PI4KA: variants seen among roughly 807,000 people sequenced by gnomAD.
PI4KA encodes the protein PI4-kinase alpha.
A neutral mutation model predicts 271.4 loss-of-function variants in PI4KA; 122 were observed. The observed-to-expected ratio is 0.45, with a 90% CI of 0.39 to 0.52. The LOEUF (loss-of-function observed/expected upper bound fraction) is 0.52. PI4KA is among the 20% of genes least tolerant of loss of function. PI4KA has a pLI of 0.00. For synonymous variants in PI4KA, 1,041 were observed against 1,078.8 expected, an observed-to-expected ratio of 0.96 and a Z score of 0.69; for missense variants, 1,969 against 2,769.1, an observed-to-expected ratio of 0.71 and a Z score of 6.48.
At chr22:20,853,033 C>T (rs1014079238) in intron 1 of PI4KA, among the ~76,000 whole-genome samples, 2 of 152,158 alleles carry the variant, frequency 1.3e-5, no homozygotes, top group African/African-American at 2.4e-5. Context: ...GCCCAGAAAT[C>T]TGAGACCAGC....
chr22:20,801,313 C>T (rs1935315353), intron 14 of PI4KA, among the ~76,000 whole-genome samples: 3 of 151,992 alleles, frequency 2.0e-5, no homozygotes, highest in South Asian at 2.1e-4. Flanking sequence ...CAGCCAGGCA[C>T]GGTGGCTCAC....
At chr22:20,741,433 C>T (rs1358633086) in intron 32 of PI4KA, among the ~76,000 whole-genome samples, 3 of 152,278 alleles carry the variant, frequency 2.0e-5, no homozygotes, top group East Asian at 3.9e-4. Flanking sequence ...CCAGCACTCC[C>T]CTGACTTCAC....
chr22:20,739,825 G>A (rs1929197371), intron 32 of PI4KA, among the ~76,000 whole-genome samples: 2 of 152,114 alleles, frequency 1.3e-5, no homozygotes, highest in African/African-American at 4.8e-5. Context: ...CACTTTGGGA[G>A]GCTGAGGCAG....
At chr22:20,768,464 T>C (rs1932729929) in intron 19 of PI4KA, among the ~76,000 whole-genome samples, 1 of 152,180 alleles carries the variant, frequency 6.6e-6, no homozygotes, top group Non-Finnish European at 1.5e-5. Context: ...TAATATGATA[T>C]AGATTTTAAA....
At chr22:20,831,602 CAAA>C (rs1432324213) in intron 3 of PI4KA, among the ~76,000 whole-genome samples, 1 of 104,312 alleles carries the variant, frequency 9.6e-6, no homozygotes, top group Non-Finnish European at 2.0e-5. Context: ...AAAACAAAAA[CAAA>C]AACAAAAACA....
At position 20,712,827 on chromosome 22, in the gene PI4KA, C is replaced by T. The variant is rs1298199560; in HGVS notation, c.5572-30G>A. Reference sequence around the variant, plus strand: ...GAAGCCGGGAGGCGCAGGATGCGGTCAGTTGGCGTCCTTGCACCCCAGCAG... The same window carrying T: ...GAAGCCGGGAGGCGCAGGATGCGGTTAGTTGGCGTCCTTGCACCCCAGCAG... On this transcript the variant is annotated intron_variant, in intron 48 of 54. Coordinates refer to ENST00000255882, the MANE Select transcript of PI4KA (RefSeq NM_058004.4). 12 of 1,550,356 alleles carry T rather than the reference C, an allele frequency of 7.7e-6. No homozygotes were observed. The Admixed American group carries it at 9.8e-5, about 13-fold the overall frequency.
chr22:20,732,810 G>C (rs1291286731), intron 36 of PI4KA, among the ~76,000 whole-genome samples, 161 bp downstream of exon 36: 14 of 152,224 alleles, frequency 9.2e-5, no homozygotes, highest in Non-Finnish European at 1.6e-4. Context: ...AGCAGAGCCA[G>C]GCATGCACCG....
intron 47 of PI4KA, among the ~76,000 whole-genome samples, chr22:20,713,822 T>C (rs1925645865): frequency 6.6e-6 from 1 of 152,242 alleles, no homozygotes; most frequent in Admixed American, 6.5e-5. Context: ...CCACACCGTC[T>C]GTACTGGGTT....
chr22:20,800,850 G>A (rs888234055), intron 14 of PI4KA, among the ~76,000 whole-genome samples: 1 of 148,898 alleles, frequency 6.7e-6, no homozygotes, highest in Non-Finnish European at 1.5e-5. Context: ...CTCCAGCCTG[G>A]GCGACAAAGC....
intron 23 of PI4KA, 59 bp downstream of exon 23, chr22:20,761,245 C>T (rs1248000272): frequency 2.2e-5 from 20 of 912,580 alleles, no homozygotes; most frequent in South Asian, 6.6e-5. Context: ...GGAAGTAGTA[C>T]GCCTTTTTAC....
At chr22:20,835,625 G>A (rs971159488) in intron 2 of PI4KA, among the ~76,000 whole-genome samples, 1 of 152,152 alleles carries the variant, frequency 6.6e-6, no homozygotes, top group Non-Finnish European at 1.5e-5. Flanking sequence ...CCAGCTACTT[G>A]GGAGGCTGGG....
At chr22:20,783,435 TAAAAAA>T (rs362069) in intron 19 of PI4KA, among the ~76,000 whole-genome samples, 1 of 136,068 alleles carries the variant, frequency 7.3e-6, no homozygotes, top group Non-Finnish European at 1.6e-5. Flanking sequence ...CATCTACAAT[TAAAAAA>T]AAAAAAAAAA....
chr22:20,850,836 T>C (rs1056763821), intron 1 of PI4KA, among the ~76,000 whole-genome samples: 2 of 152,046 alleles, frequency 1.3e-5, no homozygotes, highest in African/African-American at 4.8e-5. Context: ...AGCCCACGGT[T>C]TGAGCTAAGC....
rs759209696 is a variant in PI4KA, at chr22:20,793,202, T to C, written c.2319A>G (p.Val773=). Residue 773 remains valine (V), a synonymous_variant, in exon 19 of 55, where the codon GTA becomes GTG. Coordinates refer to ENST00000255882, the MANE Select transcript of PI4KA (RefSeq NM_058004.4). ...SAGNLGVLIP[V]IAVLTRRLPP... ...ATTAATGAATACTCACCACAGCTAT[T>C]ACAGGAATGAGTACTCCCAAGTTCC... 5.8e-6 allele frequency: 9 copies of C among 1,560,010 alleles called. No homozygotes were observed. The highest frequency in any genetic ancestry group is 8.0e-6 in the Non-Finnish European group (9 of 1,130,844).
Position 20,779,138 on chromosome 22 carries a change from A to G in PI4KA, c.2329-13445T>C, listed in dbSNP as rs1462185802. On this transcript the variant is annotated intron_variant, in intron 19 of 54. Transcript: ENST00000255882. ...CATCAAAGGTTGGGTGTCTATCTAC[A>G]TCAGATTCTCTTAAAGTCCATGATC... is the stretch of plus-strand genomic sequence containing the variant. 2.6e-6 allele frequency: 4 copies of G among 1,513,108 alleles called. No individual in the cohort carries two copies. In the African/African-American group the frequency reaches 4.1e-5, roughly 16 times the overall value. 93.7% of individuals were successfully genotyped at this position (1,513,108 alleles called of 1,614,324 possible).
At chr22:20,796,085 T>G in intron 18 of PI4KA, 61 bp downstream of exon 18, 1 of 1,505,450 alleles carries the variant, frequency 6.6e-7, no homozygotes, top group South Asian at 1.1e-5. Context: ...GCCTGAAGAC[T>G]AAGCCTTGGC....
At chr22:20,787,692 G>C (rs973777525) in intron 19 of PI4KA, 2 of 156,870 alleles carry the variant, frequency 1.3e-5, no homozygotes, top group African/African-American at 4.8e-5. Context: ...CCATACTAGA[G>C]ATAAATAAAT....
At chr22:20,856,038 T>C (rs527326343) in intron 1 of PI4KA, among the ~76,000 whole-genome samples, 3 of 152,292 alleles carry the variant, frequency 2.0e-5, no homozygotes, top group Non-Finnish European at 4.4e-5. Context: ...TCCCGGCACT[T>C]TGGGAGACCA....
rs1000714285 is a variant in PI4KA at position 20,858,490 on chromosome 22, A to G, written c.156+80T>C. On this transcript the variant is annotated intron_variant, in intron 1 of 54. Transcript: ENST00000255882. ...CCGGCGAGCCCAGCCTCGGCCTCCCACAGACCCTCGTCCCGCCTCCACGCT... is the reference window on the plus strand; with the variant it reads ...CCGGCGAGCCCAGCCTCGGCCTCCCGCAGACCCTCGTCCCGCCTCCACGCT... 3.7e-6 allele frequency: 4 copies of G among 1,075,030 alleles called. No homozygotes were observed. In the East Asian group the frequency reaches 1.3e-4, roughly 36 times the overall value. The allele number at this position is 1,075,030 out of a possible 1,614,324, so 66.6% of individuals were successfully genotyped here.
Sources: gnomAD v4.1 joint callset for allele counts (sites outside exome capture counted in the v4.1 genomes callset) on GRCh38, gnomAD v4.1.1 for gene constraint, MANE v1.5 for transcripts, NCBI Gene and HGNC (gene_info 2026-07-23, HGNC 2026-07-21) for gene names.